COLEC11: variants seen among roughly 807,000 people sequenced by gnomAD.
The protein encoded by COLEC11 is collectin subfamily member 11.
In COLEC11, 20 loss-of-function variants were observed where a neutral mutation model predicts 27.3. The ratio of observed to expected loss-of-function variants is 0.73; its 90% confidence interval spans 0.51 to 1.06. The LOEUF is 1.06. COLEC11 is among the 50% of genes least tolerant of loss of function. The pLI, the probability that COLEC11 is intolerant of heterozygous loss-of-function variation, is 0.00. For synonymous variants in COLEC11, 163 were observed against 154.7 expected (o/e 1.05, Z -0.40); for missense variants, 310 against 383.0 (o/e 0.81, Z 1.59).
intron 3 of COLEC11, among the ~76,000 whole-genome samples, chr2:3,624,841 T>C (rs113157734): frequency 0.01 from 1,565 of 152,300 alleles, 41 homozygotes; most frequent in African/African-American, 0.036. Context: ...TCTGCCATCC[T>C]CCTAACATCA....
intron 3 of COLEC11, among the ~76,000 whole-genome samples, chr2:3,620,467 ATT>A (rs533195108): frequency 6.9e-6 from 1 of 145,196 alleles, no homozygotes; most frequent in Non-Finnish European, 1.5e-5. Flanking sequence ...AGGTTCGTCA[ATT>A]TTTTTTTTTG....
At chr2:3,621,993 A>G (rs1395559804) in intron 3 of COLEC11, among the ~76,000 whole-genome samples, 1 of 152,098 alleles carries the variant, frequency 6.6e-6, no homozygotes, top group Non-Finnish European at 1.5e-5. Context: ...CCTGGCCAGC[A>G]TGGTGAAACC....
chr2:3,608,949 A>T (rs754604837), intron 2 of COLEC11, among the ~76,000 whole-genome samples: 1 of 152,240 alleles, frequency 6.6e-6, no homozygotes, highest in Non-Finnish European at 1.5e-5. Context: ...AGAGCTGAGG[A>T]GGACCAGGCT....
intron 3 of COLEC11, among the ~76,000 whole-genome samples, chr2:3,631,060 A>G (rs1184625062): frequency 6.6e-6 from 1 of 152,078 alleles, no homozygotes; most frequent in Non-Finnish European, 1.5e-5. Context: ...GTGAAACCCC[A>G]TCTCTACTAA....
At chr2:3,639,906 G>A (rs1214446597) in intron 4 of COLEC11, among the ~76,000 whole-genome samples, 2 of 152,234 alleles carry the variant, frequency 1.3e-5, no homozygotes, top group African/African-American at 2.4e-5. Flanking sequence ...ATCATGCTCC[G>A]TCTGGATTTT....
chr2:3,607,899 C>T (rs1662856938), intron 2 of COLEC11, among the ~76,000 whole-genome samples: 1 of 152,200 alleles, frequency 6.6e-6, no homozygotes, highest in Non-Finnish European at 1.5e-5. Flanking sequence ...GTAGAACAAG[C>T]CAGGCAGGCT....
chr2:3,615,284 C>T lies in COLEC11; in HGVS notation c.202+1902C>T, dbSNP rs960777428. Among the ~76,000 whole-genome samples, 3 of 152,184 alleles carry T rather than the reference C, an allele frequency of 2.0e-5. No homozygotes were observed. The South Asian group carries it at 6.2e-4, about 31-fold the overall frequency. On this transcript the variant is annotated intron_variant, in intron 3 of 6. Coordinates refer to ENST00000349077, the MANE Select transcript of COLEC11 (RefSeq NM_024027.5). ...TGGTTTTCCTAGGCAGAGGACCCTG[C>T]GGCCATCCGCAGTGTTTGTGTCCCT...
intron 2 of COLEC11, among the ~76,000 whole-genome samples, chr2:3,611,351 T>A (rs1663178269): frequency 6.6e-6 from 1 of 152,226 alleles, no homozygotes; most frequent in Non-Finnish European, 1.5e-5. Context: ...CTCGGCTCTT[T>A]CCGCTGCAGT....
chr2:3,596,260 T>C (rs1228518818), intron 1 of COLEC11, among the ~76,000 whole-genome samples: 1 of 152,116 alleles, frequency 6.6e-6, no homozygotes, highest in African/African-American at 2.4e-5. Context: ...TGCTGGGCCT[T>C]GCTGTAGATA....
At chr2:3,617,738 G>T (rs984751073) in intron 3 of COLEC11, 9 of 1,390,704 alleles carry the variant, frequency 6.5e-6, no homozygotes, top group African/African-American at 1.4e-5. Flanking sequence ...TCTGGTCTGC[G>T]CAGTGGCCAC....
chr2:3,629,157 C>T (rs1027885863), intron 3 of COLEC11, among the ~76,000 whole-genome samples: 1 of 152,146 alleles, frequency 6.6e-6, no homozygotes, highest in East Asian at 1.9e-4. Flanking sequence ...CACTACTGTC[C>T]GGCCAAGGGT....
chr2:3,633,984 C>T (rs2147944550), intron 3 of COLEC11, among the ~76,000 whole-genome samples: 1 of 152,334 alleles, frequency 6.6e-6, no homozygotes, highest in South Asian at 2.1e-4. Flanking sequence ...CGAGCAGAAG[C>T]ACGGGGCTCA....
chr2:3,603,877 G>A, intron 1 of COLEC11: 1 of 597,570 alleles, frequency 1.7e-6, no homozygotes, highest in Non-Finnish European at 3.0e-6. Flanking sequence ...CGCTAAGCTT[G>A]GGGCTCCTCA....
At chr2:3,617,526 CA>C in intron 3 of COLEC11, 1 of 1,514,490 alleles carries the variant, frequency 6.6e-7, no homozygotes, top group Non-Finnish European at 9.2e-7. Flanking sequence ...ATATACAGTG[CA>C]TATTGGCGGC....
At chr2:3,623,666 A>G (rs1664331280) in intron 3 of COLEC11, among the ~76,000 whole-genome samples, 1 of 150,404 alleles carries the variant, frequency 6.6e-6, no homozygotes, top group African/African-American at 2.4e-5. Flanking sequence ...TTAAAAAAAA[A>G]TCTCTATCTC....
chr2:3,644,509 G>T lies in COLEC11; in HGVS notation c.*391G>T. On this transcript the variant is annotated 3_prime_UTR_variant, in exon 7 of 7. Coordinates refer to ENST00000349077, the MANE Select transcript of COLEC11 (RefSeq NM_024027.5). ...TACCTTTTAATTTCTATATGGAAAA[G>T]AACTCACTTTGACCAACACTTCTGT... 2.1e-6 allele frequency: 1 copy of T among 468,624 alleles called. No individual in the cohort carries two copies. The highest frequency in any genetic ancestry group is 4.2e-6 in the Non-Finnish European group (1 of 237,600). The allele number at this position is 468,624 out of a possible 1,614,324, so 29.0% of individuals were successfully genotyped here. A position where few individuals can be genotyped will look rare whatever the true frequency, so the allele number is the denominator to read the frequency against.
Position 3,637,681 on chromosome 2 carries a change from A to G in COLEC11, c.274+77A>G. On this transcript the variant is annotated intron_variant, in intron 4 of 6. Transcript: ENST00000349077. ...GTCTGGATACCCTGAGAATAATTGT[A>G]GCCTGAATTGTCTCGTCTGGTGCTC... 3.5e-6 allele frequency: 4 copies of G among 1,148,530 alleles called. No homozygotes were observed. The Middle Eastern group carries it at 5.8e-4, about 167-fold the overall frequency. The allele number at this position is 1,148,530 out of a possible 1,614,324, so 71.1% of individuals were successfully genotyped here.
Position 3,643,425 on chromosome 2 carries a change from G to A in COLEC11, c.329-19G>A, listed in dbSNP as rs369701971. ...AGTCCTCATCCAGCGTTTGTAACGC[G>A]TGGGCCTGGCCCCCGCAGGCCTCCC... On this transcript the variant is annotated intron_variant, in intron 5 of 6. Transcript: ENST00000349077. 4.0e-5 allele frequency: 65 copies of A among 1,605,476 alleles called. No homozygotes were observed. The African/African-American group carries it at 6.6e-4, about 16-fold the overall frequency.
At chr2:3,615,619 C>T (rs896157694) in intron 3 of COLEC11, among the ~76,000 whole-genome samples, 15 of 152,386 alleles carry the variant, frequency 9.8e-5, no homozygotes, top group African/African-American at 2.6e-4. Context: ...AAACCGCCAT[C>T]GTCATCATGG....
Sources: gnomAD v4.1 joint callset for allele counts (sites outside exome capture counted in the v4.1 genomes callset) on GRCh38, gnomAD v4.1.1 for gene constraint, MANE v1.5 for transcripts, NCBI Gene and HGNC (gene_info 2026-07-23, HGNC 2026-07-21) for gene names.